Variants in CLVS1 observed in about 807,000 individuals in gnomAD.
The protein encoded by CLVS1 is clavesin 1, also known as clavesin-1.
A neutral mutation model predicts 33.1 loss-of-function variants in CLVS1; 10 were observed. That is an observed-to-expected ratio of 0.30 (90% CI 0.19 to 0.51). CLVS1 has a LOEUF of 0.51. Among genes scored for constraint, CLVS1 ranks in the 20% least tolerant of loss-of-function variants. The pLI, the probability that CLVS1 is intolerant of heterozygous loss-of-function variation, is 0.97. For synonymous variants in CLVS1, 163 were observed against 166.1 expected, an observed-to-expected ratio of 0.98 and a Z score of 0.14; for missense variants, 343 against 433.4, an observed-to-expected ratio of 0.79 and a Z score of 1.85.
chr8:61,067,988 T>TGAGA (rs35869191), intron 1 of CLVS1, among the ~76,000 whole-genome samples: 4,485 of 143,130 alleles, frequency 0.031, 227 homozygotes, highest in African/African-American at 0.11. Flanking sequence ...AACTTGATAT[T>TGAGA]GAGAGAGAGA....
intron 5 of CLVS1, among the ~76,000 whole-genome samples, chr8:61,469,588 G>A (rs1817667448): frequency 6.6e-6 from 1 of 152,204 alleles, no homozygotes; most frequent in Admixed American, 6.5e-5. Context: ...GGTGATCTTT[G>A]AGCATGTTGT....
chr8:61,207,776 T>C (rs1807886094), intron 2 of CLVS1, among the ~76,000 whole-genome samples: 2 of 152,182 alleles, frequency 1.3e-5, no homozygotes, highest in Admixed American at 1.3e-4. Context: ...GGCTGCACAG[T>C]ACATCTCGGG....
chr8:61,103,234 G>C (rs941098123), intron 1 of CLVS1, among the ~76,000 whole-genome samples: 4 of 152,166 alleles, frequency 2.6e-5, no homozygotes, highest in African/African-American at 9.7e-5. Flanking sequence ...TTGGCCACTG[G>C]TGAAGATCTA....
At chr8:61,352,910 A>G (rs979348997) in intron 2 of CLVS1, among the ~76,000 whole-genome samples, 3 of 152,060 alleles carry the variant, frequency 2.0e-5, no homozygotes, top group Admixed American at 2.0e-4. Context: ...TATATAAGAA[A>G]GTAGGTTATA....
chr8:61,091,036 T>C (rs781431148), intron 1 of CLVS1: 19 of 435,300 alleles, frequency 4.4e-5, no homozygotes, highest in Middle Eastern at 3.6e-4. Flanking sequence ...CCTGTGCCCG[T>C]TACCTCACAT....
intron 2 of CLVS1, among the ~76,000 whole-genome samples, chr8:61,214,485 G>A (rs962608764): frequency 1.3e-5 from 2 of 152,110 alleles, no homozygotes; most frequent in African/African-American, 4.8e-5. Flanking sequence ...TGACTATCGG[G>A]GCAGGTTCCC....
chr8:61,368,655 A>G (rs745378730), intron 2 of CLVS1, among the ~76,000 whole-genome samples: 16 of 152,354 alleles, frequency 1.1e-4, no homozygotes, highest in Non-Finnish European at 2.4e-4. Flanking sequence ...TTAGTCAAGC[A>G]TCTGTGAACT....
At chr8:61,033,067 GAAA>G in the CLVS1 span, among the ~76,000 whole-genome samples, 6 of 130,456 alleles carry the variant, frequency 4.6e-5, no homozygotes, top group African/African-American at 1.5e-4. Flanking sequence ...AAGATAGAAA[GAAA>G]GAAGGAAGGA....
At chr8:61,253,537 C>A (rs28841622) in intron 2 of CLVS1, among the ~76,000 whole-genome samples, 7,956 of 152,246 alleles carry the variant, frequency 0.052, 469 homozygotes, top group African/African-American at 0.14. Flanking sequence ...GTTCCATTCT[C>A]CCTGTCACTT....
intron 2 of CLVS1, among the ~76,000 whole-genome samples, chr8:61,306,384 T>G (rs1025318995): frequency 6.6e-6 from 1 of 152,214 alleles, no homozygotes; most frequent in Admixed American, 6.5e-5. Flanking sequence ...TGTGGGGTTG[T>G]TTGTTTTTTC....
At chr8:60,966,348 G>A in the CLVS1 span, 7 of 455,464 alleles carry the variant, frequency 1.5e-5, no homozygotes, top group South Asian at 3.1e-5. Flanking sequence ...TCCTTTTCAC[G>A]GAGATGACAA....
chr8:61,268,588 C>T (rs1459749298), intron 2 of CLVS1, among the ~76,000 whole-genome samples: 2 of 137,822 alleles, frequency 1.5e-5, no homozygotes, highest in African/African-American at 5.5e-5. Context: ...TGAGGAATCG[C>T]CACACTGACT....
At chr8:61,357,652 C>T (rs1812793387) in intron 2 of CLVS1, among the ~76,000 whole-genome samples, 1 of 151,186 alleles carries the variant, frequency 6.6e-6, no homozygotes, top group Non-Finnish European at 1.5e-5. Flanking sequence ...ATTACAGGTG[C>T]CTGCCACCAT....
chr8:61,083,433 C>T (rs1043573570), intron 1 of CLVS1, among the ~76,000 whole-genome samples: 2 of 152,020 alleles, frequency 1.3e-5, no homozygotes, highest in African/African-American at 4.8e-5. Context: ...TACCTGAGGG[C>T]CAGTGTACAA....
the CLVS1 span, among the ~76,000 whole-genome samples, chr8:60,989,345 TA>T: frequency 1.2e-4 from 19 of 152,296 alleles, no homozygotes; most frequent in African/African-American, 4.3e-4. Context: ...CATGCCCAGC[TA>T]ATTTTTTATA....
chr8:61,226,169 T>G (rs1312342161), intron 2 of CLVS1, among the ~76,000 whole-genome samples: 3 of 152,202 alleles, frequency 2.0e-5, no homozygotes, highest in African/African-American at 7.2e-5. Context: ...GTATTAGAAG[T>G]GTTGCAAATG....
the CLVS1 span, among the ~76,000 whole-genome samples, chr8:61,003,495 C>A: frequency 2.0e-5 from 3 of 152,236 alleles, no homozygotes; most frequent in Non-Finnish European, 4.4e-5. Context: ...CAGCTCCCAG[C>A]CACAATTTCT....
At position 61,438,635 on chromosome 8, in the gene CLVS1, A is replaced by G. The variant is rs181198636; in HGVS notation, c.631-15506A>G. 3.5e-3 allele frequency among the ~76,000 whole-genome samples: 537 copies of G among 152,314 alleles called. 2 individuals are homozygous for G. Among genetic ancestry groups the G allele is most frequent in the African/African-American group, 0.012 (489 of 41,574 alleles). Reference sequence around the variant, plus strand: ...TTCCACAATGGTTGAACTAATTTACATTCCCACCAACTGGGTAAAAGCGTT... The same window carrying G: ...TTCCACAATGGTTGAACTAATTTACGTTCCCACCAACTGGGTAAAAGCGTT... On this transcript the variant is annotated intron_variant, in intron 3 of 5. Coordinates refer to ENST00000325897, the MANE Select transcript of CLVS1 (RefSeq NM_173519.3).
chr8:61,258,348 T>G (rs1341574492), intron 2 of CLVS1, among the ~76,000 whole-genome samples: 10 of 152,228 alleles, frequency 6.6e-5, no homozygotes, highest in African/African-American at 2.4e-4. Context: ...TTTTATATTT[T>G]AAAAGATTAT....
Sources: allele counts gnomAD v4.1 joint callset (sites outside exome capture counted in the v4.1 genomes callset), GRCh38; gene constraint gnomAD v4.1.1; transcripts MANE v1.5; gene names NCBI Gene and HGNC (gene_info 2026-07-23, HGNC 2026-07-21).